OPLAH: variants seen among roughly 807,000 people sequenced by gnomAD.
OPLAH encodes 5-oxoprolinase.
Under a neutral mutation model 122.8 loss-of-function variants are expected in OPLAH, and 103 were observed. The observed-to-expected ratio is 0.84, with a 90% confidence interval of 0.71 to 0.99. The LOEUF (loss-of-function observed/expected upper bound fraction) is 0.99, where lower values mean the gene tolerates loss of function less well. OPLAH is among the 50% of genes least tolerant of loss of function. OPLAH has a pLI of 0.00. For synonymous variants in OPLAH, 875 were observed against 796.0 expected (o/e 1.10, Z -1.67); for missense variants, 1,902 against 1,836.5 (o/e 1.04, Z -0.65).
Position 144,052,985 on chromosome 8 carries a change from G to A in OPLAH, c.3016C>T (p.Gln1006Ter), listed in dbSNP as rs782331682. 1.0e-5 allele frequency: 16 copies of A among 1,597,118 alleles called. No individual in the cohort carries two copies. Among genetic ancestry groups the A allele is most frequent in the Admixed American group, 8.6e-5 (5 of 58,142 alleles). The change falls in exon 21 of 27, where the codon CAG (glutamine) becomes TAG (stop). Residue 1006 changes from glutamine to a stop codon, truncating the protein, a stop_gained and splice_region_variant. Transcript: ENST00000618853. LOFTEE classifies it high-confidence loss of function. Reference protein sequence around the residue: ...IRLRVQISLSQGSAVFDFSGT... With the variant: ...IRLRVQISLS Reference sequence around the variant, plus strand: ...GAGGCACTCTCCCCACGGCCCACCTGACTCAGGCTGATCTGCACACGGAGG... The same window carrying A: ...GAGGCACTCTCCCCACGGCCCACCTAACTCAGGCTGATCTGCACACGGAGG...
rs1554757632 is a variant in OPLAH, at chr8:144,051,480, C to A, written c.3721-8G>T. The A allele has an allele frequency of 2.5e-6, 1 of 397,600 alleles. No individual in the cohort carries two copies. The highest frequency in any genetic ancestry group is 3.5e-6 in the Non-Finnish European group (1 of 289,610). The allele number at this position is 397,600 out of a possible 1,614,324, so 24.6% of individuals were successfully genotyped here. On this transcript the variant is annotated splice_polypyrimidine_tract_variant and splice_region_variant and intron_variant, in intron 26 of 26. Coordinates refer to ENST00000618853, the MANE Select transcript of OPLAH (RefSeq NM_017570.5). The stretch of plus-strand genomic sequence containing the variant: ...GTGGAGACAGAACACATCCTGTTGG[C>A]GCGGGGGGGGGCGGGGAGGCGGGCT...
intron 24 of OPLAH, 35 bp downstream of exon 24, chr8:144,052,134 C>G (rs1554757824): frequency 6.5e-7 from 1 of 1,549,474 alleles, no homozygotes; most frequent in Admixed American, 1.8e-5. Context: ...GGCTCCCACC[C>G]GGCCGTGCCC....
At position 144,060,077 on chromosome 8, in the gene OPLAH, C is replaced by T; in HGVS notation, c.-45G>A. On this transcript the variant is annotated 5_prime_UTR_variant, in exon 2 of 27. Transcript: ENST00000618853. ...CACAGGAGCTCTTCAGCTGGTAGCC[C>T]TGGAAAAACTGGACGGAGGCGGGGT... 6.3e-7 allele frequency: 1 copy of T among 1,577,850 alleles called. No individual in the cohort carries two copies. The highest frequency in any genetic ancestry group is 8.6e-7 in the Non-Finnish European group (1 of 1,161,680).
chr8:144,056,913 G>A (rs781820950), intron 12 of OPLAH, 35 bp downstream of exon 12: 15 of 1,545,616 alleles, frequency 9.7e-6, no homozygotes, highest in Admixed American at 3.9e-5. Context: ...TGAGGACAAC[G>A]TAAGCCCTCT....
In OPLAH at chr8:144,055,136, G is replaced by A. The variant is rs939343558; in HGVS notation, c.2302C>T (p.Arg768Cys). ...AAGAGGGCACAGGAGAAGTCCAGACGCTCCTTGATGTTGGTGGAGATGGCT... is the reference window on the plus strand; with the variant it reads ...AAGAGGGCACAGGAGAAGTCCAGACACTCCTTGATGTTGGTGGAGATGGCT... ...RTAISTNIKE[R>C]LDFSCALFGP... Residue 768 changes from arginine to cysteine, a missense_variant, in exon 17 of 27, where the codon CGT becomes TGT. By Grantham distance (180) the Arg-to-Cys change is radical. This residue lies in a region of OPLAH where 1,726 missense variants were observed against 1,642.1 expected (regional missense o/e 1.05). Transcript: ENST00000618853. This position sits in a 1 kb window ranked among gnomAD's most constrained non-coding sequence, Gnocchi z 6.5. The A allele has an allele frequency of 1.7e-5, 27 of 1,582,780 alleles. No homozygotes were observed. Among genetic ancestry groups the A allele is most frequent in the Non-Finnish European group, 2.2e-5 (26 of 1,165,274 alleles).
In OPLAH at chr8:144,051,732, G is replaced by A. The variant is rs782627684; in HGVS notation, c.3717C>T (p.Pro1239=). Residue 1239 remains proline, a synonymous_variant, in exon 26 of 27, where the codon CCC becomes CCT. Coordinates refer to ENST00000618853, the MANE Select transcript of OPLAH (RefSeq NM_017570.5). ...LGGKTSVTVY[P]GDVFCLHTPG... is the part of the protein sequence containing the mutation. ...CAGGACAGGCCGCGGCCCTTACCCC[G>A]GGGTACACGGTCACCGACGTCTTGC... 7.2e-5 allele frequency: 116 copies of A among 1,601,700 alleles called. 1 individual carries two copies. In the East Asian group the frequency reaches 1.9e-3, roughly 26 times the overall value.
At chr8:144,051,076 G>A (rs1835361450), downstream of OPLAH, 10 of 1,329,148 alleles carry the variant, frequency 7.5e-6, no homozygotes, top group African/African-American at 1.5e-5. Context: ...CTGGGCCTGC[G>A]GCACTGGGAC....
Position 144,057,132 on chromosome 8 carries a change from C to T in OPLAH, c.1536-14G>A. 6.3e-7 allele frequency: 1 copy of T among 1,594,060 alleles called. No individual in the cohort carries two copies. The highest frequency in any genetic ancestry group is 8.5e-7 in the Non-Finnish European group (1 of 1,171,160). On this transcript the variant is annotated splice_polypyrimidine_tract_variant and intron_variant, in intron 11 of 26. Transcript: ENST00000618853. ...AGCCCACTGTGCCTGCAGGGATGGG[C>T]AGCATGGCAATGGGAGGTCACCTCC... is the stretch of plus-strand genomic sequence containing the variant.
chr8:144,051,436 A>T lies in OPLAH; in HGVS notation c.3757T>A (p.Tyr1253Asn). 1 of 1,366,284 alleles carries T rather than the reference A, an allele frequency of 7.3e-7. No individual in the cohort carries two copies. The highest frequency in any genetic ancestry group is 9.6e-7 in the Non-Finnish European group (1 of 1,038,762). 84.6% of individuals were successfully genotyped at this position (1,366,284 alleles called of 1,614,324 possible). ...FCLHTPGGGG[Y>N]GDPEDPAPPP... ...GGGGCGGGGTCCTCCGGGTCCCCATAGCCACCGCCGCCGGGCGTGTGGAGA... is the reference window on the plus strand; with the variant it reads ...GGGGCGGGGTCCTCCGGGTCCCCATTGCCACCGCCGCCGGGCGTGTGGAGA... Residue 1253 changes from tyrosine to asparagine, a missense_variant, in exon 27 of 27, where the codon TAT (tyrosine) becomes AAT (asparagine). Around this residue, in one of 3 missense-constraint regions of OPLAH, gnomAD observed 1,726 missense variants for 1,642.1 expected, o/e 1.05. Coordinates refer to ENST00000618853, the MANE Select transcript of OPLAH (RefSeq NM_017570.5).
chr8:144,059,784 C>G lies in OPLAH; in HGVS notation c.178G>C (p.Gly60Arg), dbSNP rs1205361540. The change falls in exon 3 of 27, where the codon GGC becomes CGC. Residue 60 changes from glycine (G) to arginine (R), a missense_variant. Around this residue, in one of 3 missense-constraint regions of OPLAH, gnomAD observed 168 missense variants for 170.6 expected, o/e 0.98. Coordinates refer to ENST00000618853, the MANE Select transcript of OPLAH (RefSeq NM_017570.5). ...GIRRILEQEAGMLLPRDQPLD... is the reference protein window; with the variant it reads ...GIRRILEQEARMLLPRDQPLD... ...GGCTGGTCCCGGGGCAGGAGCATGC[C>G]GGCCTCCTGGGGACCACGTGGTCAG... is the stretch of plus-strand genomic sequence containing the variant. The G allele has an allele frequency of 1.2e-6, 2 of 1,608,164 alleles. No homozygotes were observed. Among genetic ancestry groups the G allele is most frequent in the Non-Finnish European group, 1.7e-6 (2 of 1,178,526 alleles).
chr8:144,058,575 GC>G lies in OPLAH; in HGVS notation c.703del (p.Ala235ProfsTer88), dbSNP rs782768657. Reference sequence around the variant, plus strand: ...GGGCGTGAGGTAGGCGTCGGCACAGGCCGTGTGCCCCCGAGGGACGATGCGC... The same window carrying G: ...GGGCGTGAGGTAGGCGTCGGCACAGGCGTGTGCCCCCGAGGGACGATGCGC... ...MVRIVPRGHT[A>X]CADAYLTPAI... On this transcript the variant is annotated frameshift_variant, in exon 6 of 27. Transcript: ENST00000618853. LOFTEE classifies it high-confidence loss of function. 6.2e-7 allele frequency: 1 copy of G among 1,602,206 alleles called. No homozygotes were observed. The highest frequency in any genetic ancestry group is 8.5e-7 in the Non-Finnish European group (1 of 1,179,252).
intron 17 of OPLAH, 57 bp from the exon 18 acceptor site, chr8:144,054,970 T>TGGGGGG (rs371475686): frequency 6.5e-6 from 2 of 306,194 alleles, no homozygotes; most frequent in South Asian, 1.2e-4. Flanking sequence ...CAGAGCGGGG[T>TGGGGGG]GGGGGGGGGG....
rs781848266 is a variant in OPLAH, at chr8:144,054,903, A to G, written c.2420T>C (p.Leu807Pro). The G allele has an allele frequency of 4.5e-6, 7 of 1,572,698 alleles. No homozygotes were observed. The highest frequency in any genetic ancestry group is 1.4e-5 in the African/African-American group (1 of 71,660). Residue 807 changes from leucine (L) to proline (P), a missense_variant, in exon 18 of 27, where the codon CTG becomes CCG. Physicochemically the swap from Leu to Pro is moderately conservative, Grantham distance 98. Transcript: ENST00000618853. The part of the protein sequence containing the change: ...QETVQFQIQH[L>P]GADLHPGDVL... The stretch of plus-strand genomic sequence containing the variant: ...GTCGCCAGGGTGGAGATCGGCCCCC[A>G]GGTGCTGAATCTGAAACCAGGAGAT...
In OPLAH at chr8:144,059,466, T is replaced by C. The variant is rs538819395; in HGVS notation, c.363+133A>G. On this transcript the variant is annotated intron_variant, in intron 3 of 26. Coordinates refer to ENST00000618853, the MANE Select transcript of OPLAH (RefSeq NM_017570.5). ...GGAGAACTTGGGGTCCCACTGGGAATTCGGGAGCTTCCTCTTTGTCGGCTG... is the reference window on the plus strand; with the variant it reads ...GGAGAACTTGGGGTCCCACTGGGAACTCGGGAGCTTCCTCTTTGTCGGCTG... The C allele has an allele frequency of 6.2e-5, 61 of 979,838 alleles. No individual in the cohort carries two copies. In the African/African-American group the frequency reaches 1.0e-3, roughly 16 times the overall value. 60.7% of individuals were successfully genotyped at this position (979,838 alleles called of 1,614,324 possible). A position where few individuals can be genotyped will look rare whatever the true frequency, so the allele number is the denominator to read the frequency against.
Position 144,054,614 on chromosome 8 carries a change from C to T in OPLAH, c.2633G>A (p.Gly878Asp). 1 of 1,608,176 alleles carries T rather than the reference C, an allele frequency of 6.2e-7. No individual in the cohort carries two copies. The highest frequency in any genetic ancestry group is 8.5e-7 in the Non-Finnish European group (1 of 1,176,110). Residue 878 changes from glycine (G) to aspartate (D), a missense_variant, in exon 19 of 27, where the codon GGT (glycine) becomes GAT (aspartate). Physicochemically the swap from Gly to Asp is moderately conservative, Grantham distance 94. Transcript: ENST00000618853. ...AAGTTTGAAGGACAGAAAGACGGCA[C>T]CCTCCTGTTGCAGCATGGTGGAGTG... ...PPHSTMLQQEGAVFLSFKLVQ... is the reference protein window; with the variant it reads ...PPHSTMLQQEDAVFLSFKLVQ...
rs1278302883 is a variant in OPLAH, at chr8:144,054,971, G to C, written c.2409+58C>G. The stretch of plus-strand genomic sequence containing the variant: ...AGGGGAGCAGGGGCCAGAGCGGGGT[G>C]GGGGGGGGGTGGAGGGTGAGGGAGG... On this transcript the variant is annotated intron_variant, in intron 17 of 26. Coordinates refer to ENST00000618853, the MANE Select transcript of OPLAH (RefSeq NM_017570.5). The C allele has an allele frequency of 2.0e-3, 1,238 of 604,602 alleles. 10 individuals are homozygous for C. The East Asian group carries it at 0.053, about 26-fold the overall frequency. 37.5% of individuals were successfully genotyped at this position (604,602 alleles called of 1,614,324 possible). A position where few individuals can be genotyped will look rare whatever the true frequency, so the allele number is the denominator to read the frequency against.
Position 144,055,962 on chromosome 8 carries a change from G to T in OPLAH, c.2097-23C>A. ...GTGCTGGGGAGCAGAGGGCACAGAG[G>T]GCTGCATGGGGCCAGGCGACACCCC... is the stretch of plus-strand genomic sequence containing the variant. On this transcript the variant is annotated intron_variant, in intron 15 of 26. Coordinates refer to ENST00000618853, the MANE Select transcript of OPLAH (RefSeq NM_017570.5). The surrounding 1 kb of genome is among the most constrained non-coding windows in gnomAD (Gnocchi z 6.5). 6.5e-7 allele frequency: 1 copy of T among 1,540,054 alleles called. No homozygotes were observed. The highest frequency in any genetic ancestry group is 1.8e-4 in the Middle Eastern group (1 of 5,606).
rs782386198 is a variant in OPLAH at position 144,056,982 on chromosome 8, A to G, written c.1672T>C (p.Cys558Arg). ...CCCTGGGCCTGCAGAGCATCCACAC[A>G]CTGCTCCTCCAGGCGGCTCAGCCTC... is the stretch of plus-strand genomic sequence containing the variant. ...DQRLSRLEEQ[C>R]VDALQAQGFP... The change falls in exon 12 of 27, where the codon TGT (cysteine) becomes CGT (arginine). Residue 558 changes from cysteine (C) to arginine (R), a missense_variant. Coordinates refer to ENST00000618853, the MANE Select transcript of OPLAH (RefSeq NM_017570.5). The G allele has an allele frequency of 1.3e-6, 2 of 1,587,688 alleles. No individual in the cohort carries two copies. Among genetic ancestry groups the G allele is most frequent in the Admixed American group, 3.6e-5 (2 of 56,332 alleles).
chr8:144,060,696 T>G (rs1181721517), upstream of OPLAH: 7 of 152,022 alleles, frequency 4.6e-5, no homozygotes, highest in African/African-American at 1.4e-4. Flanking sequence ...CGGCTCTGCC[T>G]GCGCTCCCGG....
Sources: gnomAD v4.1 joint callset for allele counts on GRCh38, gnomAD v4.1.1 for gene constraint, gnomAD v4.1.1 regional missense constraint, Gnocchi (gnomAD v3.1) non-coding constraint, MANE v1.5 for transcripts, NCBI Gene and HGNC (gene_info 2026-07-23, HGNC 2026-07-21) for gene names.